Variants in PLEKHA7 observed in about 807,000 individuals in gnomAD.
The protein encoded by PLEKHA7 is pleckstrin homology domain containing A7, also known as pleckstrin homology domain-containing family A member 7.
Under a neutral mutation model 170.0 loss-of-function variants are expected in PLEKHA7, and 104 were observed. That is an observed-to-expected ratio of 0.61 (90% CI 0.52 to 0.72). The LOEUF (loss-of-function observed/expected upper bound fraction) is 0.72. Among genes scored for constraint, PLEKHA7 ranks in the 30% least tolerant of loss-of-function variants. The probability of loss-of-function intolerance (pLI) is 0.00; values close to 1 mark genes in which losing one functional copy is unlikely to be tolerated. For missense variants in PLEKHA7, 1,615 were observed against 1,671.7 expected (o/e 0.97, Z 0.59); for synonymous variants, 648 against 660.8 (o/e 0.98, Z 0.30).
At chr11:16,899,897 C>T (rs971933249) in intron 3 of PLEKHA7, among the ~76,000 whole-genome samples, 2 of 152,186 alleles carry the variant, frequency 1.3e-5, no homozygotes, top group African/African-American at 4.8e-5. Context: ...GTGAGCTGTT[C>T]TTGGCCTGCT....
chr11:16,812,333 A>T (rs1389623632), intron 13 of PLEKHA7: 4 of 152,242 alleles, frequency 2.6e-5, no homozygotes, highest in Non-Finnish European at 5.9e-5. Flanking sequence ...AGCCAGGTAC[A>T]CTGGAGACTG....
intron 3 of PLEKHA7, among the ~76,000 whole-genome samples, chr11:16,969,001 T>C (rs1331414011): frequency 6.6e-6 from 1 of 152,224 alleles, no homozygotes; most frequent in Non-Finnish European, 1.5e-5. Flanking sequence ...GTGATGTCCT[T>C]CCTGGTGACC....
At chr11:16,805,919 T>C (rs534972946) in intron 13 of PLEKHA7, among the ~76,000 whole-genome samples, 15 of 152,188 alleles carry the variant, frequency 9.9e-5, no homozygotes, top group Non-Finnish European at 1.8e-4. Flanking sequence ...TCCCTTTAAC[T>C]GGGGGTGATG....
rs112281179 is a variant in PLEKHA7, at chr11:16,957,261, AT to A, written c.221+56727del. ...TGTTCAACACATTATTACTTATGGC[AT>A]TAAAAAACTGGAAACAATCTCAGTA... On this transcript the variant is annotated intron_variant, in intron 3 of 26. Transcript: ENST00000531066. Among the ~76,000 whole-genome samples the A allele has an allele frequency of 4.2e-3, 634 of 152,378 alleles. 3 individuals carry two copies. Among genetic ancestry groups the A allele is most frequent in the African/African-American group, 0.014 (595 of 41,590 alleles).
intron 3 of PLEKHA7, among the ~76,000 whole-genome samples, chr11:16,947,566 G>A (rs570904581): frequency 2.7e-5 from 4 of 149,444 alleles, no homozygotes; most frequent in Admixed American, 1.3e-4. Context: ...ACTCCAGCCT[G>A]AGCGAGAGAG....
In PLEKHA7 at chr11:16,940,639, T is replaced by C. The variant is rs1057109753; in HGVS notation, c.222-69457A>G. Among the ~76,000 whole-genome samples the C allele has an allele frequency of 3.9e-5, 6 of 152,026 alleles. No homozygotes were observed. The East Asian group carries it at 1.2e-3, about 29-fold the overall frequency. The stretch of plus-strand genomic sequence containing the variant: ...ACAGATGCTTTGTACTAGTAGATGC[T>C]CAAGAAATGGTTCCTTTAAAAGTGA... On this transcript the variant is annotated intron_variant, in intron 3 of 26. Transcript: ENST00000531066.
Position 16,801,788 on chromosome 11 carries a change from C to T in PLEKHA7, c.2187G>A (p.Leu729=). 1 of 1,614,126 alleles carries T rather than the reference C, an allele frequency of 6.2e-7. No individual in the cohort carries two copies. Among genetic ancestry groups the T allele is most frequent in the Non-Finnish European group, 8.5e-7 (1 of 1,180,034 alleles). ...CTCGGTACTGCTCCATCTGTCTGTG[C>T]AACACCTCCAGCACAGATTCTAGCT... ...KDQLESVLEV[L]HRQMEQYRDQ... The change falls in exon 16 of 27, where the codon TTG becomes TTA. Residue 729 remains leucine (L), a synonymous_variant. Coordinates refer to ENST00000531066, the MANE Select transcript of PLEKHA7 (RefSeq NM_001329630.2).
chr11:16,976,384 T>C lies in PLEKHA7; in HGVS notation c.221+37605A>G, dbSNP rs556375474. On this transcript the variant is annotated intron_variant, in intron 3 of 26. Transcript: ENST00000531066. ...GGTTTTCTTATTCAATTTCTAATAG[T>C]CTACCCTATTCCCCTTGTTTCCTCC... 6.6e-5 allele frequency among the ~76,000 whole-genome samples: 10 copies of C among 152,342 alleles called. No individual in the cohort carries two copies. The South Asian group carries it at 2.1e-3, about 32-fold the overall frequency.
At chr11:16,845,296 A>G (rs1852302521) in intron 8 of PLEKHA7, among the ~76,000 whole-genome samples, 1 of 152,222 alleles carries the variant, frequency 6.6e-6, no homozygotes, top group Admixed American at 6.5e-5. Context: ...TGCAGATCAT[A>G]TAGGGTTTTG....
intron 24 of PLEKHA7, 104 bp downstream of exon 24, chr11:16,786,125 C>A: frequency 1.5e-6 from 2 of 1,351,296 alleles, no homozygotes; most frequent in Non-Finnish European, 2.0e-6. Flanking sequence ...TGAAGCTGAG[C>A]CATGTCCCTG....
At position 16,813,044 on chromosome 11, in the gene PLEKHA7, G is replaced by A; in HGVS notation, c.2007+69C>T. 4 of 1,420,598 alleles carry A rather than the reference G, an allele frequency of 2.8e-6. No individual in the cohort carries two copies. The Admixed American group carries it at 6.8e-5, about 24-fold the overall frequency. The allele number at this position is 1,420,598 out of a possible 1,614,324, so 88.0% of individuals were successfully genotyped here. A position where few individuals can be genotyped will look rare whatever the true frequency, so the allele number is the denominator to read the frequency against. On this transcript the variant is annotated intron_variant, in intron 13 of 26. Transcript: ENST00000531066. The stretch of plus-strand genomic sequence containing the variant: ...CTGTCTGGCCTTTGGCTTTGGGCTT[G>A]GCTCCAGTGAGGTGACACTCTCAGA...
chr11:17,012,549 CTTATT>C (rs1478040634), intron 3 of PLEKHA7, among the ~76,000 whole-genome samples: 1 of 152,210 alleles, frequency 6.6e-6, no homozygotes, highest in East Asian at 1.9e-4. Flanking sequence ...GTCACATCAC[CTTATT>C]TTAACTTTCT....
intron 12 of PLEKHA7, among the ~76,000 whole-genome samples, chr11:16,813,774 C>G (rs1373023317): frequency 6.6e-6 from 1 of 152,198 alleles, no homozygotes; most frequent in Non-Finnish European, 1.5e-5. Flanking sequence ...CAGGAGCTAC[C>G]TGAGGCAGGT....
chr11:16,826,593 G>A lies in PLEKHA7; in HGVS notation c.873-3C>T. On this transcript the variant is annotated splice_region_variant and splice_polypyrimidine_tract_variant and intron_variant, in intron 9 of 26. Coordinates refer to ENST00000531066, the MANE Select transcript of PLEKHA7 (RefSeq NM_001329630.2). ...GCCGCTCCACCTTCTCCATATCCCT[G>A]CAATGACAGCAGCACATTCAGTTTG... 1.9e-6 allele frequency: 3 copies of A among 1,608,316 alleles called. No individual in the cohort carries two copies. In the South Asian group the frequency reaches 3.3e-5, roughly 18 times the overall value.
chr11:16,835,067 C>G (rs539898572), intron 9 of PLEKHA7, among the ~76,000 whole-genome samples: 3 of 152,108 alleles, frequency 2.0e-5, no homozygotes, highest in Admixed American at 2.0e-4. Flanking sequence ...CCCAGGAGTT[C>G]GAGGCCAGCC....
chr11:16,797,712 T>A (rs1254783442), intron 17 of PLEKHA7, among the ~76,000 whole-genome samples: 1 of 152,112 alleles, frequency 6.6e-6, no homozygotes, highest in African/African-American at 2.4e-5. Context: ...GCCCAGGGCA[T>A]GTGTATGTAA....
intron 3 of PLEKHA7, among the ~76,000 whole-genome samples, chr11:16,881,006 T>C (rs1324450781): frequency 2.0e-5 from 3 of 152,126 alleles, no homozygotes; most frequent in Non-Finnish European, 4.4e-5. Flanking sequence ...GGCAGACCAG[T>C]TGTCCTCCCC....
At chr11:16,802,873 G>T in intron 15 of PLEKHA7, 99 bp downstream of exon 15, 2 of 1,022,128 alleles carry the variant, frequency 2.0e-6, no homozygotes, top group Non-Finnish European at 3.1e-6. Context: ...GCTAACATCT[G>T]CTCTTCAATA....
In PLEKHA7 at chr11:16,782,815, G is replaced by T; in HGVS notation, c.3732C>A (p.Arg1244=). Residue 1244 remains arginine (R), a synonymous_variant, in exon 26 of 27, where the codon CGC becomes CGA. Transcript: ENST00000531066. Reference sequence around the variant, plus strand: ...CCAGGGCGTAGGAGATGTTGATGATGCGCTCCTGCTCCTGCAGCTGCAAGT... The same window carrying T: ...CCAGGGCGTAGGAGATGTTGATGATTCGCTCCTGCTCCTGCAGCTGCAAGT... The part of the protein sequence containing the change: ...DLDLQLQEQE[R]IINISYALAS... 1 of 1,536,170 alleles carries T rather than the reference G, an allele frequency of 6.5e-7. No homozygotes were observed. The highest frequency in any genetic ancestry group is 1.2e-5 in the South Asian group (1 of 84,066).
Sources: allele counts gnomAD v4.1 joint callset (sites outside exome capture counted in the v4.1 genomes callset), GRCh38; gene constraint gnomAD v4.1.1; transcripts MANE v1.5; gene names NCBI Gene and HGNC (gene_info 2026-07-23, HGNC 2026-07-21).